The following HMBOX1 variants were observed in gnomAD, a reference collection of about 807,000 sequenced individuals.
HMBOX1 encodes homeobox containing 1.
HMBOX1 carries 14 observed loss-of-function variants against 54.5 expected under a neutral mutation model. The observed-to-expected ratio is 0.26, with a 90% confidence interval of 0.17 to 0.40. The LOEUF (loss-of-function observed/expected upper bound fraction) is 0.40. HMBOX1 is among the 10% of genes least tolerant of loss of function. The pLI is 1.00. For missense variants in HMBOX1, 332 were observed against 514.4 expected (o/e 0.65, Z 3.43); for synonymous variants, 160 against 181.0 (o/e 0.88, Z 0.93).
chr8:28,901,885 T>A, intron 1 of HMBOX1, among the ~76,000 whole-genome samples: 1 of 152,330 alleles, frequency 6.6e-6, no homozygotes, highest in East Asian at 1.9e-4. Context: ...ACCCACTTAA[T>A]GTATTTGTAT....
At chr8:28,965,570 AC>A (rs1325505322) in intron 2 of HMBOX1, among the ~76,000 whole-genome samples, 2 of 152,212 alleles carry the variant, frequency 1.3e-5, no homozygotes, top group Non-Finnish European at 2.9e-5. Context: ...GTGGAGGTGT[AC>A]CTTTACATGA....
At chr8:28,960,790 T>C (rs1282034275) in intron 1 of HMBOX1, among the ~76,000 whole-genome samples, 1 of 107,816 alleles carries the variant, frequency 9.3e-6, no homozygotes, top group African/African-American at 4.2e-5. Context: ...TTTTTTTTTT[T>C]TTTTTTTTTT....
intron 1 of HMBOX1, among the ~76,000 whole-genome samples, chr8:28,939,619 C>T (rs1177919035): frequency 6.6e-6 from 1 of 151,978 alleles, no homozygotes; most frequent in Non-Finnish European, 1.5e-5. Flanking sequence ...AAGTAATTCT[C>T]CTGCCTCAGC....
intron 1 of HMBOX1, among the ~76,000 whole-genome samples, chr8:28,951,919 G>A (rs968949108): frequency 6.6e-6 from 1 of 152,098 alleles, no homozygotes; most frequent in Non-Finnish European, 1.5e-5. Flanking sequence ...TGTAATCCCA[G>A]CACTTTAAGA....
At chr8:29,035,692 G>C (rs1803744192) in intron 6 of HMBOX1, among the ~76,000 whole-genome samples, 1 of 152,176 alleles carries the variant, frequency 6.6e-6, no homozygotes, top group African/African-American at 2.4e-5. Flanking sequence ...GAAATCCACA[G>C]ACTAGCAAAA....
intron 1 of HMBOX1, among the ~76,000 whole-genome samples, chr8:28,893,681 A>G (rs1811493679): frequency 6.6e-6 from 1 of 152,210 alleles, no homozygotes; most frequent in Non-Finnish European, 1.5e-5. Context: ...GTGGCAACAA[A>G]TCTGTCATTG....
chr8:28,986,675 C>T (rs928137987), intron 4 of HMBOX1, among the ~76,000 whole-genome samples: 9 of 152,134 alleles, frequency 5.9e-5, no homozygotes, highest in African/African-American at 1.2e-4. Context: ...CATTCACTCA[C>T]GTTATAATTG....
At chr8:28,993,505 ATACTATGGAG>A (rs1354150237) in intron 4 of HMBOX1, among the ~76,000 whole-genome samples, 1 of 152,196 alleles carries the variant, frequency 6.6e-6, no homozygotes, top group African/African-American at 2.4e-5. Flanking sequence ...TACTATATCT[ATACTATGGAG>A]TACTATTTGT....
intron 5 of HMBOX1, among the ~76,000 whole-genome samples, chr8:29,018,222 A>C (rs1800629318): frequency 6.6e-6 from 1 of 152,246 alleles, no homozygotes; most frequent in South Asian, 2.1e-4. Context: ...GATTTGTTAA[A>C]TAGTGAATGA....
intron 1 of HMBOX1, among the ~76,000 whole-genome samples, chr8:28,957,410 G>T (rs572057056): frequency 2.6e-5 from 4 of 152,260 alleles, no homozygotes; most frequent in Non-Finnish European, 5.9e-5. Flanking sequence ...CTCCAGGAGT[G>T]GGGAAGGAGG....
rs1325180039 is a variant in HMBOX1, at chr8:29,009,060, C to A, written c.587-12C>A. On this transcript the variant is annotated splice_polypyrimidine_tract_variant and intron_variant, in intron 4 of 9. Coordinates refer to ENST00000287701, the MANE Select transcript of HMBOX1 (RefSeq NM_001135726.3). Reference sequence around the variant, plus strand: ...TCAGTGCCCCCCAAAACCTATTTCTCTTTCTACATAGGTATCAGTCAGAGC... The same window carrying A: ...TCAGTGCCCCCCAAAACCTATTTCTATTTCTACATAGGTATCAGTCAGAGC... 50 of 1,595,048 alleles carry A rather than the reference C, an allele frequency of 3.1e-5. No homozygotes were observed. The highest frequency in any genetic ancestry group is 4.1e-5 in the Non-Finnish European group (48 of 1,164,546).
intron 1 of HMBOX1, among the ~76,000 whole-genome samples, chr8:28,922,911 C>A (rs971042938): frequency 6.6e-6 from 1 of 152,118 alleles, no homozygotes; most frequent in African/African-American, 2.4e-5. Context: ...TCTGATCTCT[C>A]TTTACACATC....
intron 1 of HMBOX1, among the ~76,000 whole-genome samples, chr8:28,923,864 T>C (rs1214872722): frequency 2.6e-5 from 4 of 152,224 alleles, no homozygotes; most frequent in Admixed American, 1.3e-4. Flanking sequence ...TAATGACTAA[T>C]GTCCTTGGGT....
intron 1 of HMBOX1, among the ~76,000 whole-genome samples, chr8:28,961,894 A>ATTTTGT (rs1563475792): frequency 1.2e-4 from 13 of 107,626 alleles, no homozygotes; most frequent in Admixed American, 2.0e-4. Flanking sequence ...GTGTCATTTT[A>ATTTTGT]TTTTTTTTTT....
chr8:29,050,784 T>G, intron 9 of HMBOX1: 1 of 513,484 alleles, frequency 1.9e-6, no homozygotes, highest in African/African-American at 1.9e-5. Context: ...TTCTCAGTGA[T>G]GAAAAACATT....
At chr8:28,975,109 C>T (rs1005313855) in intron 3 of HMBOX1, among the ~76,000 whole-genome samples, 1 of 152,156 alleles carries the variant, frequency 6.6e-6, no homozygotes, top group African/African-American at 2.4e-5. Context: ...TTCCATTTTA[C>T]AACCTTTTAT....
chr8:28,976,709 C>CTTTTTTTTTTTTTTTTTT (rs749880362), intron 3 of HMBOX1, among the ~76,000 whole-genome samples: 1 of 135,806 alleles, frequency 7.4e-6, no homozygotes, highest in African/African-American at 2.7e-5. Context: ...TCTTTTTTTT[C>CTTTTTTTTTTTTTTTTTT]TTTTTTTTTT....
rs5890431 is a variant in HMBOX1, at chr8:28,919,971, T to TTG, written c.-58+29323_-58+29324dup. 8.9e-3 allele frequency among the ~76,000 whole-genome samples: 1,328 copies of TTG among 148,974 alleles called. 12 individuals carry two copies. The highest frequency in any genetic ancestry group is 0.037 in the East Asian group (190 of 5,086). On this transcript the variant is annotated intron_variant, in intron 1 of 9. Transcript: ENST00000287701. ...AATATTATAAAGAACAAGTGAAGTT[T>TTG]TGTGTGTGTGTGTGTGTGTGTGTGT...
chr8:29,050,328 C>T (rs1248404931), intron 9 of HMBOX1: 1 of 605,828 alleles, frequency 1.7e-6, no homozygotes, highest in African/African-American at 2.0e-5. Context: ...GCTTCCTTCA[C>T]AGCTTTATTG....
Sources: allele counts gnomAD v4.1 joint callset (sites outside exome capture counted in the v4.1 genomes callset), GRCh38; gene constraint gnomAD v4.1.1; transcripts MANE v1.5; gene names NCBI Gene and HGNC (gene_info 2026-07-23, HGNC 2026-07-21).